Variants in FAT3 observed in about 807,000 individuals in gnomAD.
FAT3 encodes the protein FAT atypical cadherin 3.
FAT3 carries 95 observed loss-of-function variants against 310.2 expected under a neutral mutation model. That is an observed-to-expected ratio of 0.31 (90% confidence interval 0.26 to 0.36). The LOEUF (loss-of-function observed/expected upper bound fraction) is 0.36. FAT3 is among the 10% of genes least tolerant of loss of function. FAT3 has a pLI of 1.00. For missense variants in FAT3, 5,408 were observed against 5,715.6 expected, an observed-to-expected ratio of 0.95 and a Z score of 1.74; for synonymous variants, 2,314 against 2,192.9, an observed-to-expected ratio of 1.06 and a Z score of -1.54.
intron 1 of FAT3, among the ~76,000 whole-genome samples, chr11:92,248,794 C>T (rs7935097): frequency 0.22 from 33,932 of 151,948 alleles, 3,904 homozygotes; most frequent in East Asian, 0.38. Flanking sequence ...TCTGTTAAAA[C>T]TACCTGGCCC....
intron 4 of FAT3, among the ~76,000 whole-genome samples, chr11:92,710,845 C>T (rs764875971): frequency 1.6e-4 from 24 of 152,214 alleles, no homozygotes; most frequent in Non-Finnish European, 2.9e-4. Context: ...GAAGAGTGAA[C>T]TCAGTTTCTC....
Position 92,355,370 on chromosome 11 carries a change from T to C in FAT3, c.3258T>C (p.Ser1086=). ...GEIQYSIRDG[S]GLGRFSIDDE... is the part of the protein sequence containing the mutation. ...TCCAGTACTCCATCAGGGATGGCAG[T>C]GGTCTTGGAAGGTTCAGTATAGACG... is the stretch of plus-strand genomic sequence containing the variant. Residue 1086 remains serine (S), a synonymous_variant, in exon 2 of 28, where the codon AGT becomes AGC. Coordinates refer to ENST00000525166, the MANE Select transcript of FAT3 (RefSeq NM_001367949.2). 6.2e-7 allele frequency: 1 copy of C among 1,613,710 alleles called. No individual in the cohort carries two copies. Among genetic ancestry groups the C allele is most frequent in the Non-Finnish European group, 8.5e-7 (1 of 1,179,772 alleles).
At chr11:92,506,123 C>A (rs975065193) in intron 2 of FAT3, among the ~76,000 whole-genome samples, 3 of 152,154 alleles carry the variant, frequency 2.0e-5, no homozygotes, top group African/African-American at 7.2e-5. Flanking sequence ...AACACACAGT[C>A]CAGAATGGTC....
At chr11:92,712,433 T>C (rs1944554408) in intron 4 of FAT3, among the ~76,000 whole-genome samples, 1 of 152,160 alleles carries the variant, frequency 6.6e-6, no homozygotes, top group South Asian at 2.1e-4. Flanking sequence ...CTATAAAACA[T>C]CCCTTTTTGA....
intron 3 of FAT3, among the ~76,000 whole-genome samples, chr11:92,552,571 A>G (rs1954856328): frequency 6.6e-6 from 1 of 152,190 alleles, no homozygotes; most frequent in African/African-American, 2.4e-5. Flanking sequence ...GATGAAAATG[A>G]GTTCATATGG....
chr11:92,854,904 G>A (rs1948929343), intron 19 of FAT3, among the ~76,000 whole-genome samples: 1 of 152,156 alleles, frequency 6.6e-6, no homozygotes, highest in African/African-American at 2.4e-5. Context: ...GAAATAGAAG[G>A]GAAAGGGCAT....
intron 4 of FAT3, among the ~76,000 whole-genome samples, chr11:92,709,060 C>T (rs1288442851): frequency 6.6e-6 from 1 of 152,166 alleles, no homozygotes; most frequent in Non-Finnish European, 1.5e-5. Flanking sequence ...TTCCAAGCAT[C>T]CAGGAGCTCC....
intron 4 of FAT3, among the ~76,000 whole-genome samples, chr11:92,704,636 G>C (rs879326781): frequency 6.6e-5 from 10 of 152,200 alleles, no homozygotes; most frequent in Admixed American, 1.3e-4. Flanking sequence ...TTTGAAGAGA[G>C]AGGGAAAAGA....
At chr11:92,554,095 C>T (rs968176420) in intron 3 of FAT3, among the ~76,000 whole-genome samples, 19 of 151,958 alleles carry the variant, frequency 1.3e-4, no homozygotes, top group Admixed American at 2.0e-4. Context: ...TGTGAGCCAC[C>T]GTGTCCAGCT....
chr11:92,375,475 CT>C (rs1430369969), intron 2 of FAT3, among the ~76,000 whole-genome samples: 3 of 152,068 alleles, frequency 2.0e-5, no homozygotes, highest in Non-Finnish European at 4.4e-5. Context: ...TTTAAGGATT[CT>C]TTGGAGGCTT....
At chr11:92,225,889 T>C (rs1039955806) in intron 1 of FAT3, among the ~76,000 whole-genome samples, 1 of 152,110 alleles carries the variant, frequency 6.6e-6, no homozygotes, top group Non-Finnish European at 1.5e-5. Flanking sequence ...GGAACCGGAA[T>C]GCTTTGCGAG....
chr11:92,665,784 A>G (rs557362742), intron 3 of FAT3, among the ~76,000 whole-genome samples: 112 of 152,288 alleles, frequency 7.4e-4, no homozygotes, highest in Admixed American at 3.3e-3. Flanking sequence ...TCATATTATC[A>G]TGTAGCCATG....
chr11:92,281,221 G>C (rs1480562195), intron 1 of FAT3, among the ~76,000 whole-genome samples: 1 of 152,070 alleles, frequency 6.6e-6, no homozygotes, highest in African/African-American at 2.4e-5. Flanking sequence ...ATTACTCTCT[G>C]TATGTTAAGT....
rs758840633 is a variant in FAT3 at position 92,890,851 on chromosome 11, C to T, written c.13508C>T (p.Thr4503Met). 19 of 1,612,578 alleles carry T rather than the reference C, an allele frequency of 1.2e-5. No homozygotes were observed. In the Admixed American group the frequency reaches 2.5e-4, roughly 21 times the overall value. ...YLPPHPFPNE[T>M]DLVGPPASCE... The stretch of plus-strand genomic sequence containing the variant: ...CCTCCTCACCCATTCCCCAACGAAA[C>T]GGATTTGGTGGGCCCGCCTGCCAGC... The change falls in exon 28 of 28, where the codon ACG becomes ATG. Residue 4503 changes from threonine (T) to methionine (M), a missense_variant. This residue lies in a region of FAT3 where 649 missense variants were observed against 666.2 expected (regional missense o/e 0.97). Coordinates refer to ENST00000525166, the MANE Select transcript of FAT3 (RefSeq NM_001367949.2).
chr11:92,245,792 G>T (rs1244842217), intron 1 of FAT3, among the ~76,000 whole-genome samples: 2 of 152,134 alleles, frequency 1.3e-5, no homozygotes. Context: ...GTGAGCTGTA[G>T]TTTGCAACCC....
At chr11:92,466,565 T>TA (rs892309819) in intron 2 of FAT3, among the ~76,000 whole-genome samples, 17 of 151,564 alleles carry the variant, frequency 1.1e-4, no homozygotes, top group Admixed American at 3.9e-4. Context: ...CTTTTTTTTT[T>TA]AAATTTTTTA....
chr11:92,322,344 C>T (rs111991255), intron 1 of FAT3, among the ~76,000 whole-genome samples: 39 of 152,200 alleles, frequency 2.6e-4, no homozygotes, highest in African/African-American at 8.7e-4. Context: ...TCATCTGAGC[C>T]TTCAGTGAGT....
chr11:92,442,096 TATATATA>T (rs1565320016), intron 2 of FAT3, among the ~76,000 whole-genome samples: 3 of 49,236 alleles, frequency 6.1e-5, no homozygotes, highest in African/African-American at 2.6e-4. Context: ...TATATATATA[TATATATA>T]TATATATATT....
chr11:92,739,095 C>G (rs7938606), intron 4 of FAT3, among the ~76,000 whole-genome samples: 47,255 of 151,982 alleles, frequency 0.31, 7,605 homozygotes, highest in Non-Finnish European at 0.33. Context: ...GATCCTAAGT[C>G]TGTCTAAGGC....
Sources: gnomAD v4.1 joint callset for allele counts (sites outside exome capture counted in the v4.1 genomes callset) on GRCh38, gnomAD v4.1.1 for gene constraint, gnomAD v4.1.1 regional missense constraint, MANE v1.5 for transcripts, NCBI Gene and HGNC (gene_info 2026-07-23, HGNC 2026-07-21) for gene names.